Variants in LOC114841035 observed in about 807,000 individuals in gnomAD.
At chr11:64,243,279 G>C in the LOC114841035 span, 5 of 1,610,204 alleles carry the variant, frequency 3.1e-6, no homozygotes, top group Non-Finnish European at 4.2e-6. Context: ...GCACAGGCCA[G>C]GTCATCAAGG....
At chr11:64,243,993 G>T in the LOC114841035 span, 1 of 1,614,070 alleles carries the variant, frequency 6.2e-7, no homozygotes, top group Non-Finnish European at 8.5e-7. Context: ...TGTTCGAGGT[G>T]GAGCTGCTCA....
At chr11:64,242,516 C>T in the LOC114841035 span, 3 of 1,551,572 alleles carry the variant, frequency 1.9e-6, no homozygotes, top group East Asian at 2.5e-5. Context: ...ACCACTGTCC[C>T]ATCAAATCGC....
the LOC114841035 span, chr11:64,242,580 T>C: frequency 6.6e-7 from 1 of 1,525,286 alleles, no homozygotes. Flanking sequence ...GGGCGGGCCT[T>C]TTGGGAGTGG....
chr11:64,243,847 G>C, the LOC114841035 span: 3 of 1,614,172 alleles, frequency 1.9e-6, no homozygotes, highest in Admixed American at 3.3e-5. Context: ...ACAGGGTATG[G>C]AGAGCGGGGA....
chr11:64,242,478 C>A, the LOC114841035 span: 1 of 1,553,864 alleles, frequency 6.4e-7, no homozygotes, highest in Non-Finnish European at 8.6e-7. Context: ...CAAAAGGAAG[C>A]TGCAGATCGG....
chr11:64,243,251 C>T, the LOC114841035 span: 1 of 1,613,114 alleles, frequency 6.2e-7, no homozygotes, highest in African/African-American at 1.3e-5. Context: ...CAGAACCAGC[C>T]CTTTGTCTTC....
the LOC114841035 span, chr11:64,242,525 G>T: frequency 6.4e-7 from 1 of 1,552,988 alleles, no homozygotes; most frequent in Non-Finnish European, 8.7e-7. Flanking sequence ...CCATCAAATC[G>T]CGCAAAGGGG....
chr11:64,243,952 C>T, the LOC114841035 span: 2 of 1,614,108 alleles, frequency 1.2e-6, no homozygotes, highest in Non-Finnish European at 1.7e-6. Flanking sequence ...ATTTTGACTC[C>T]CCTTCTCCCC....
chr11:64,243,630 T>G, the LOC114841035 span: 1 of 1,258,002 alleles, frequency 7.9e-7, no homozygotes, highest in African/African-American at 1.5e-5. Flanking sequence ...AGTTTGGCTG[T>G]GTCTAGCAGT....
At chr11:64,241,722 G>T in the LOC114841035 span, 1 of 152,388 alleles carries the variant, frequency 6.6e-6, no homozygotes, top group Non-Finnish European at 1.5e-5. Context: ...TGGGGACGCC[G>T]TAGGCCGAGA....
the LOC114841035 span, chr11:64,243,844 A>G: frequency 6.2e-7 from 1 of 1,614,146 alleles, no homozygotes; most frequent in Non-Finnish European, 8.5e-7. Flanking sequence ...TCAACAGGGT[A>G]TGGAGAGCGG....
the LOC114841035 span, chr11:64,242,232 C>G: frequency 1.4e-6 from 1 of 710,326 alleles, no homozygotes; most frequent in Non-Finnish European, 2.1e-6. Flanking sequence ...GGCCCCGGAG[C>G]CCGGGGGAGA....
At chr11:64,243,344 G>A in the LOC114841035 span, 10 of 1,598,488 alleles carry the variant, frequency 6.3e-6, no homozygotes, top group East Asian at 2.2e-4. Flanking sequence ...TGGGAGTGGG[G>A]GCGTGCATGG....
the LOC114841035 span, chr11:64,242,127 G>T: frequency 4.6e-6 from 2 of 434,868 alleles, no homozygotes; most frequent in East Asian, 4.1e-5. Context: ...GGTGAGCAAA[G>T]GGGCGGGTCC....
chr11:64,242,936 G>A, the LOC114841035 span, among the ~76,000 whole-genome samples: 2 of 152,232 alleles, frequency 1.3e-5, no homozygotes, highest in Non-Finnish European at 2.9e-5. Context: ...GCCAGGCGTG[G>A]TGGCGGGCGC....
At chr11:64,242,088 T>G in the LOC114841035 span, 18 of 297,296 alleles carry the variant, frequency 6.1e-5, no homozygotes, top group African/African-American at 1.7e-4. Flanking sequence ...AGAGCGGAGG[T>G]GGGGACTGGG....
At chr11:64,243,495 T>G in the LOC114841035 span, 2 of 1,613,706 alleles carry the variant, frequency 1.2e-6, no homozygotes, top group Admixed American at 3.3e-5. Flanking sequence ...CCATCCGAGC[T>G]AGGTAAGAGG....
At chr11:64,243,151 G>A in the LOC114841035 span, 1 of 1,540,300 alleles carries the variant, frequency 6.5e-7, no homozygotes, top group East Asian at 2.2e-5. Flanking sequence ...GGGAGGGGGT[G>A]TCAGGGGTGG....
At chr11:64,243,114 G>A in the LOC114841035 span, 11 of 1,231,646 alleles carry the variant, frequency 8.9e-6, no homozygotes, top group South Asian at 9.8e-5. Flanking sequence ...GGGCGTGGGG[G>A]GGCAGCTTGA....
Sources: gnomAD v4.1 joint callset for allele counts (sites outside exome capture counted in the v4.1 genomes callset) on GRCh38, gnomAD v4.1.1 for gene constraint, MANE v1.5 for transcripts.